ADAMTS12: variants seen among roughly 807,000 people sequenced by gnomAD.
ADAMTS12 encodes the protein A disintegrin and metalloproteinase with thrombospondin motifs 12.
ADAMTS12 carries 118 observed loss-of-function variants against 167.8 expected under a neutral mutation model. The ratio of observed to expected loss-of-function variants is 0.70; its 90% CI spans 0.61 to 0.82. The LOEUF (loss-of-function observed/expected upper bound fraction) is 0.82, where lower values mean the gene tolerates loss of function less well. ADAMTS12 is among the 40% of genes least tolerant of loss of function. The pLI, the probability that ADAMTS12 is intolerant of heterozygous loss-of-function variation, is 0.00. For synonymous variants in ADAMTS12, 704 were observed against 716.9 expected, an observed-to-expected ratio of 0.98 and a Z score of 0.29; for missense variants, 1,916 against 1,998.8, an observed-to-expected ratio of 0.96 and a Z score of 0.79.
At chr5:33,714,500 C>T (rs1319747864) in intron 3 of ADAMTS12, among the ~76,000 whole-genome samples, 7 of 152,012 alleles carry the variant, frequency 4.6e-5, no homozygotes, top group South Asian at 2.1e-4. Context: ...GCCTGCACCC[C>T]ATGTCTATTT....
intron 3 of ADAMTS12, among the ~76,000 whole-genome samples, chr5:33,696,897 C>G (rs947642166): frequency 6.6e-6 from 1 of 152,156 alleles, no homozygotes; most frequent in African/African-American, 2.4e-5. Flanking sequence ...TTAATATGGT[C>G]AATGTGAAAT....
Position 33,549,327 on chromosome 5 carries a change from G to C in ADAMTS12, c.4182C>G (p.Ser1394Arg). The change falls in exon 21 of 24, where the codon AGC becomes AGG. Residue 1394 changes from serine (S) to arginine (R), a missense_variant. Ser to Arg is a moderately radical substitution (Grantham distance 110). Transcript: ENST00000504830. ...FKIREIQCVD[S>R]RDHRNLRPFH... ...ATGGCCTCAGGTTCCGGTGGTCCCG[G>C]CTGTCCACGCACTGAATCTCGCGTA... 5 of 1,614,186 alleles carry C rather than the reference G, an allele frequency of 3.1e-6. No individual in the cohort carries two copies. Among genetic ancestry groups the C allele is most frequent in the Non-Finnish European group, 4.2e-6 (5 of 1,180,030 alleles).
At chr5:33,887,876 T>C (rs1326843284) in intron 1 of ADAMTS12, among the ~76,000 whole-genome samples, 2 of 151,880 alleles carry the variant, frequency 1.3e-5, no homozygotes, top group Non-Finnish European at 2.9e-5. Flanking sequence ...TCCTCAGTAG[T>C]TGGGACTACA....
chr5:33,610,226 T>C (rs1204494088), intron 16 of ADAMTS12, among the ~76,000 whole-genome samples: 1 of 152,074 alleles, frequency 6.6e-6, no homozygotes, highest in Admixed American at 6.5e-5. Context: ...AAAAACAAAA[T>C]AGTATTTTTG....
intron 13 of ADAMTS12, among the ~76,000 whole-genome samples, chr5:33,629,960 C>T (rs57421208): frequency 6.6e-6 from 1 of 151,844 alleles, no homozygotes; most frequent in South Asian, 2.1e-4. Context: ...GACAACCCCA[C>T]CTAGGCAGAT....
intron 16 of ADAMTS12, among the ~76,000 whole-genome samples, chr5:33,610,207 AC>A (rs1738662383): frequency 6.6e-6 from 1 of 152,182 alleles, no homozygotes; most frequent in African/African-American, 2.4e-5. Flanking sequence ...AACAGCAACA[AC>A]AAAAAAGAAA....
At chr5:33,585,224 AC>A (rs1285045896) in intron 18 of ADAMTS12, among the ~76,000 whole-genome samples, 3 of 152,300 alleles carry the variant, frequency 2.0e-5, no homozygotes, top group Middle Eastern at 6.8e-3. Context: ...AAGAAGAGGT[AC>A]CCTTCCATCT....
chr5:33,868,171 C>A (rs1482987312), intron 2 of ADAMTS12, among the ~76,000 whole-genome samples: 1 of 152,150 alleles, frequency 6.6e-6, no homozygotes, highest in East Asian at 1.9e-4. Context: ...ACAGGTAGTT[C>A]TTTATAGCAC....
At chr5:33,883,175 A>C (rs1204593499) in intron 1 of ADAMTS12, among the ~76,000 whole-genome samples, 1 of 152,156 alleles carries the variant, frequency 6.6e-6, no homozygotes, top group African/African-American at 2.4e-5. Flanking sequence ...ATTTATCCCC[A>C]AATCTGCCAG....
At chr5:33,626,163 C>A (rs1420446385) in intron 13 of ADAMTS12, among the ~76,000 whole-genome samples, 1 of 151,748 alleles carries the variant, frequency 6.6e-6, no homozygotes, top group East Asian at 1.9e-4. Flanking sequence ...GTGGTGGGAA[C>A]AGTGATGGTA....
chr5:33,604,801 C>G (rs943833897), intron 16 of ADAMTS12, among the ~76,000 whole-genome samples: 2 of 151,768 alleles, frequency 1.3e-5, no homozygotes, highest in African/African-American at 2.4e-5. Context: ...TGCATACAGA[C>G]AGAAGATGGG....
intron 16 of ADAMTS12, among the ~76,000 whole-genome samples, chr5:33,601,536 C>T (rs967685580): frequency 6.6e-6 from 1 of 152,122 alleles, no homozygotes. Flanking sequence ...GGGAATAAAG[C>T]GAACTCAACT....
Position 33,632,930 on chromosome 5 carries a change from G to A in ADAMTS12, c.1889-2017C>T, listed in dbSNP as rs1395424909. Reference sequence around the variant, plus strand: ...CGGAATGTTTATTCAGAGAGAAACGGACAGATTCACTAAGTCGCATTTACA... The same window carrying A: ...CGGAATGTTTATTCAGAGAGAAACGAACAGATTCACTAAGTCGCATTTACA... On this transcript the variant is annotated intron_variant, in intron 12 of 23. Transcript: ENST00000504830. Among the ~76,000 whole-genome samples, 4 of 152,212 alleles carry A rather than the reference G, an allele frequency of 2.6e-5. No homozygotes were observed. In the East Asian group the frequency reaches 7.8e-4, roughly 30 times the overall value.
chr5:33,549,165 C>A, intron 21 of ADAMTS12, 42 bp downstream of exon 21: 1 of 1,591,572 alleles, frequency 6.3e-7, no homozygotes, highest in Non-Finnish European at 8.6e-7. Context: ...TCATGGCTTG[C>A]CAGGTTGTGT....
intron 17 of ADAMTS12, among the ~76,000 whole-genome samples, chr5:33,589,454 C>G (rs927922761): frequency 2.0e-5 from 3 of 152,032 alleles, no homozygotes; most frequent in African/African-American, 7.2e-5. Context: ...TGTTAATATT[C>G]TCACTGGTCC....
At chr5:33,773,801 A>C (rs764549037) in intron 2 of ADAMTS12, among the ~76,000 whole-genome samples, 2 of 152,200 alleles carry the variant, frequency 1.3e-5, no homozygotes, top group African/African-American at 4.8e-5. Context: ...GCATACATAC[A>C]TATGACTTTC....
At chr5:33,549,152 G>A in intron 21 of ADAMTS12, 55 bp downstream of exon 21, 1 of 1,580,236 alleles carries the variant, frequency 6.3e-7, no homozygotes, top group Non-Finnish European at 8.6e-7. Flanking sequence ...GTAACACAGA[G>A]ATTCATGGCT....
intron 14 of ADAMTS12, 146 bp downstream of exon 14, chr5:33,624,085 G>C: frequency 8.0e-7 from 1 of 1,254,598 alleles, no homozygotes; most frequent in Middle Eastern, 2.0e-4. Context: ...TTCCTCCTTT[G>C]TGGTAAAGGC....
intron 12 of ADAMTS12, among the ~76,000 whole-genome samples, chr5:33,632,010 C>G (rs543851504): frequency 6.6e-6 from 1 of 151,978 alleles, no homozygotes; most frequent in Non-Finnish European, 1.5e-5. Flanking sequence ...ATTCATGTGG[C>G]CAGGAAATGA....
Sources: gnomAD v4.1 joint callset for allele counts (sites outside exome capture counted in the v4.1 genomes callset) on GRCh38, gnomAD v4.1.1 for gene constraint, MANE v1.5 for transcripts, NCBI Gene and HGNC (gene_info 2026-07-23, HGNC 2026-07-21) for gene names.